FZR1: variants seen among roughly 807,000 people sequenced by gnomAD.
The protein encoded by FZR1 is fizzy and cell division cycle 20 related 1.
In FZR1, 11 loss-of-function variants were observed where a neutral mutation model predicts 63.6. That is an observed-to-expected ratio of 0.17 (90% CI 0.11 to 0.29). The LOEUF (loss-of-function observed/expected upper bound fraction) is 0.29. Among genes scored for constraint, FZR1 ranks in the 10% least tolerant of loss-of-function variants. The pLI is 1.00. For missense variants in FZR1, 440 were observed against 687.5 expected, an observed-to-expected ratio of 0.64 and a Z score of 4.03; for synonymous variants, 328 against 297.9, an observed-to-expected ratio of 1.10 and a Z score of -1.04.
In FZR1 at chr19:3,526,369, A is replaced by G; in HGVS notation, c.370A>G (p.Lys124Glu). The G allele has an allele frequency of 6.3e-7, 1 of 1,595,764 alleles. No individual in the cohort carries two copies. The highest frequency in any genetic ancestry group is 8.5e-7 in the Non-Finnish European group (1 of 1,172,546). Residue 124 changes from lysine (K) to glutamate (E), a missense_variant, in exon 5 of 14, where the codon AAG (lysine) becomes GAG (glutamate). By Grantham distance (56) the Lys-to-Glu change is moderately conservative. Coordinates refer to ENST00000441788, the MANE Select transcript of FZR1 (RefSeq NM_016263.4). This position sits in a 1 kb window ranked among gnomAD's most constrained non-coding sequence, Gnocchi z 5.4. ...DRRLQPSTPE[K>E]KGLFTYSLST... ...CAGGCTGCAGCCCTCCACGCCTGAG[A>G]AGAAGGGTCTGTTCACGGTAAGCCT...
chr19:3,533,786 C>CCACGTGCCCT lies in FZR1; in HGVS notation c.1347+392_1347+401dup, dbSNP rs2083270875. On this transcript the variant is annotated intron_variant, in intron 12 of 13. Coordinates refer to ENST00000441788, the MANE Select transcript of FZR1 (RefSeq NM_016263.4). This position sits in a 1 kb window ranked among gnomAD's most constrained non-coding sequence, Gnocchi z 4.9. ...TGGGGGCCAGGAGGCGTCCTTGGCC[C>CCACGTGCCCT]CACGTGCCCTCACTTGCCAAGATTT... 5.0e-6 allele frequency: 1 copy of CCACGTGCCCT among 201,642 alleles called. No homozygotes were observed. The highest frequency in any genetic ancestry group is 9.9e-6 in the Non-Finnish European group (1 of 100,898). The allele number at this position is 201,642 out of a possible 1,614,324, so 12.5% of individuals were successfully genotyped here. A position where few individuals can be genotyped will look rare whatever the true frequency, so the allele number is the denominator to read the frequency against.
chr19:3,518,842 C>T (rs2083078093), intron 1 of FZR1, among the ~76,000 whole-genome samples: 1 of 152,112 alleles, frequency 6.6e-6, no homozygotes, highest in Admixed American at 6.5e-5. Context: ...CCAGCCTGGG[C>T]GACAGAGCGA....
chr19:3,507,713 C>T (rs917199894), intron 1 of FZR1, among the ~76,000 whole-genome samples: 1 of 152,204 alleles, frequency 6.6e-6, no homozygotes, highest in Non-Finnish European at 1.5e-5. Flanking sequence ...AGTGGTCTCT[C>T]TCGGGGTGGG....
At chr19:3,529,141 GA>G (rs2083199853) in intron 7 of FZR1, among the ~76,000 whole-genome samples, 2 of 109,474 alleles carry the variant, frequency 1.8e-5, no homozygotes, top group Non-Finnish European at 4.0e-5. Flanking sequence ...TGGGAGAGCG[GA>G]TGGGAGAGCG....
chr19:3,526,895 T>C lies in FZR1; in HGVS notation c.388-85T>C, dbSNP rs978470565. 17 of 919,704 alleles carry C rather than the reference T, an allele frequency of 1.8e-5. No individual in the cohort carries two copies. Among genetic ancestry groups the C allele is most frequent in the Non-Finnish European group, 3.5e-6 (2 of 566,190 alleles). The allele number at this position is 919,704 out of a possible 1,614,324, so 57.0% of individuals were successfully genotyped here. A position where few individuals can be genotyped will look rare whatever the true frequency, so the allele number is the denominator to read the frequency against. On this transcript the variant is annotated intron_variant, in intron 5 of 13. Transcript: ENST00000441788. This position sits in a 1 kb window ranked among gnomAD's most constrained non-coding sequence, Gnocchi z 5.4. ...CAGCACCTGCCTTAGGGCTATGAGCTGTACCGGGAGCGTGGGCTGCTGGGG... is the reference window on the plus strand; with the variant it reads ...CAGCACCTGCCTTAGGGCTATGAGCCGTACCGGGAGCGTGGGCTGCTGGGG...
chr19:3,532,956 G>A (rs911065331), intron 11 of FZR1, among the ~76,000 whole-genome samples: 3 of 152,058 alleles, frequency 2.0e-5, no homozygotes, highest in South Asian at 2.1e-4. Context: ...AGGATGAAGC[G>A]GGCTCCACTG....
Position 3,525,028 on chromosome 19 carries a change from G to T in FZR1, c.70-840G>T, listed in dbSNP as rs145555145. Among the ~76,000 whole-genome samples the T allele has an allele frequency of 1.6e-3, 249 of 152,254 alleles. No homozygotes were observed. The highest frequency in any genetic ancestry group is 2.5e-3 in the Non-Finnish European group (172 of 68,030). On this transcript the variant is annotated intron_variant, in intron 2 of 13. Transcript: ENST00000441788. This position sits in a 1 kb window ranked among gnomAD's most constrained non-coding sequence, Gnocchi z 4.2. ...ACAGACCCCTCATAGAAAAAAGACG[G>T]CGCGGGGACAGTCAGATGGGGTTGG...
In FZR1 at chr19:3,534,877, C is replaced by T. The variant is rs753781927; in HGVS notation, c.*41C>T. ...CCGTGCCACACCAGCTGTCCAGAGT[C>T]GGAGGACCCCAGCTCCTCAGCTTGC... On this transcript the variant is annotated 3_prime_UTR_variant, in exon 14 of 14. Transcript: ENST00000441788. 16 of 1,520,264 alleles carry T rather than the reference C, an allele frequency of 1.1e-5. 1 individual carries two copies. Among genetic ancestry groups the T allele is most frequent in the Admixed American group, 8.3e-5 (5 of 59,882 alleles). The allele number at this position is 1,520,264 out of a possible 1,614,324, so 94.2% of individuals were successfully genotyped here.
intron 1 of FZR1, among the ~76,000 whole-genome samples, chr19:3,508,203 T>TC (rs1410034552): frequency 1.2e-4 from 17 of 142,244 alleles, no homozygotes; most frequent in East Asian, 1.0e-3. Flanking sequence ...TGATTTTCTT[T>TC]TTTTTTTTTT....
At chr19:3,532,854 T>C (rs2122023179) in intron 11 of FZR1, among the ~76,000 whole-genome samples, 1 of 152,008 alleles carries the variant, frequency 6.6e-6, no homozygotes, top group Middle Eastern at 3.4e-3. Flanking sequence ...GGGCAAGACT[T>C]GGGGCCTCTG....
chr19:3,511,440 C>T (rs1011746603), intron 1 of FZR1, among the ~76,000 whole-genome samples: 48 of 152,328 alleles, frequency 3.2e-4, no homozygotes, highest in African/African-American at 1.2e-3. Flanking sequence ...CAGAGGCTCA[C>T]GCCTGGAATC....
chr19:3,520,316 C>G (rs2083090267), intron 1 of FZR1, among the ~76,000 whole-genome samples: 1 of 152,170 alleles, frequency 6.6e-6, no homozygotes, highest in Non-Finnish European at 1.5e-5. Context: ...GGTGACATGA[C>G]CTGGCCCCAG....
chr19:3,511,709 G>A (rs1025271899), intron 1 of FZR1, among the ~76,000 whole-genome samples: 2 of 152,136 alleles, frequency 1.3e-5, no homozygotes, highest in African/African-American at 2.4e-5. Flanking sequence ...ATGAATGAAT[G>A]ACGTGCACGG....
intron 1 of FZR1, among the ~76,000 whole-genome samples, chr19:3,518,239 C>A (rs2083073447): frequency 6.6e-6 from 1 of 152,074 alleles, no homozygotes; most frequent in Non-Finnish European, 1.5e-5. Context: ...GTGTCGAACT[C>A]CTGAGCTCAG....
intron 1 of FZR1, among the ~76,000 whole-genome samples, chr19:3,512,487 G>A (rs1447799869): frequency 1.3e-5 from 2 of 152,164 alleles, no homozygotes. Context: ...GACTCAGCCT[G>A]GGCTGATCCC....
intron 13 of FZR1, 35 bp downstream of exon 13, chr19:3,534,548 G>C: frequency 7.2e-7 from 1 of 1,384,352 alleles, no homozygotes; most frequent in South Asian, 1.2e-5. Flanking sequence ...ACTCGCCCCC[G>C]CCCCAGCCTG....
At chr19:3,527,876 T>G (rs1030440276) in intron 7 of FZR1, 62 bp downstream of exon 7, 14 of 1,334,612 alleles carry the variant, frequency 1.0e-5, no homozygotes, top group African/African-American at 2.9e-5. Flanking sequence ...CAGACCTCAA[T>G]GTACCCACCG....
chr19:3,530,441 A>T lies in FZR1; in HGVS notation c.655-351A>T, dbSNP rs201854455. On this transcript the variant is annotated intron_variant, in intron 7 of 13. Transcript: ENST00000441788. Reference sequence around the variant, plus strand: ...GAGAGCGCATGGGAGAGCGGATGGGAGAGCGCATGGGAGAGCGCATGGATG... The same window carrying T: ...GAGAGCGCATGGGAGAGCGGATGGGTGAGCGCATGGGAGAGCGCATGGATG... Among the ~76,000 whole-genome samples the T allele has an allele frequency of 3.1e-4, 23 of 75,040 alleles. 2 individuals carry two copies. In the East Asian group the frequency reaches 7.5e-3, roughly 25 times the overall value. 49.2% of individuals were successfully genotyped at this position (75,040 alleles called of 152,430 possible).
chr19:3,529,131 TGGGAGAGCGGATGGGAGAGCGGA>T, intron 7 of FZR1, among the ~76,000 whole-genome samples: 1 of 131,662 alleles, frequency 7.6e-6, no homozygotes, highest in South Asian at 2.6e-4. Flanking sequence ...GGAGAGCGGA[TGGGAGAGCGGATGGGAGAGCGGA>T]TGGGAGAGCG....
Sources: gnomAD v4.1 joint callset for allele counts (sites outside exome capture counted in the v4.1 genomes callset) on GRCh38, gnomAD v4.1.1 for gene constraint, Gnocchi (gnomAD v3.1) non-coding constraint, MANE v1.5 for transcripts, NCBI Gene and HGNC (gene_info 2026-07-23, HGNC 2026-07-21) for gene names.